DBT: variants seen among roughly 807,000 people sequenced by gnomAD.
DBT encodes dihydrolipoamide branched chain transacylase E2.
A neutral mutation model predicts 51.3 loss-of-function variants in DBT; 40 were observed. The ratio of observed to expected loss-of-function variants is 0.78; its 90% confidence interval spans 0.61 to 1.02. The LOEUF is 1.02. Among genes scored for constraint, DBT ranks in the 50% least tolerant of loss-of-function variants. The pLI, the probability that DBT is intolerant of heterozygous loss-of-function variation, is 0.00. For synonymous variants in DBT, 181 were observed against 190.4 expected (o/e 0.95, Z 0.41); for missense variants, 510 against 580.2 (o/e 0.88, Z 1.24).
At chr1:100,221,044 A>C (rs1472057967) in intron 4 of DBT, among the ~76,000 whole-genome samples, 1 of 152,208 alleles carries the variant, frequency 6.6e-6, no homozygotes, top group African/African-American at 2.4e-5. Flanking sequence ...ATATTTGCTG[A>C]AGAGAATGTA....
intron 10 of DBT, among the ~76,000 whole-genome samples, chr1:100,202,329 G>A (rs752163123): frequency 9.9e-5 from 15 of 152,132 alleles, no homozygotes; most frequent in Non-Finnish European, 1.8e-4. Context: ...TTACATAATG[G>A]TAAAGGGATC....
intron 10 of DBT, among the ~76,000 whole-genome samples, chr1:100,205,244 T>C (rs934918131): frequency 3.3e-5 from 5 of 151,992 alleles, no homozygotes; most frequent in African/African-American, 7.2e-5. Context: ...ACATGGAACT[T>C]AAACAAATTT....
At chr1:100,241,935 C>T (rs1311877393) in intron 1 of DBT, among the ~76,000 whole-genome samples, 2 of 151,738 alleles carry the variant, frequency 1.3e-5, no homozygotes, top group East Asian at 1.9e-4. Flanking sequence ...GCAGGAGAAT[C>T]GCTTGAATGC....
rs373489009 is a variant in DBT at position 100,216,110 on chromosome 1, A to C, written c.645T>G (p.Ala215=). The C allele has an allele frequency of 1.2e-6, 2 of 1,613,580 alleles. No homozygotes were observed. The highest frequency in any genetic ancestry group is 2.7e-5 in the African/African-American group (2 of 74,910). Residue 215 remains alanine, a synonymous_variant, in exon 6 of 11, where the codon GCT becomes GCG. Coordinates refer to ENST00000370132, the MANE Select transcript of DBT (RefSeq NM_001918.5). ...CAACTTTGGGTGAAGGAGGCAATATAGCTCCTGTCTGCTTTTCCAAATAGT... is the reference window on the plus strand; with the variant it reads ...CAACTTTGGGTGAAGGAGGCAATATCGCTCCTGTCTGCTTTTCCAAATAGT... ...ILNYLEKQTG[A]ILPPSPKVEI... is the part of the protein sequence containing the mutation.
At chr1:100,239,648 A>C (rs1159337704) in intron 2 of DBT, among the ~76,000 whole-genome samples, 1 of 151,954 alleles carries the variant, frequency 6.6e-6, no homozygotes, top group Non-Finnish European at 1.5e-5. Flanking sequence ...AGGCAGGAGG[A>C]TCTCTTGAAT....
At chr1:100,218,433 TAGTA>T (rs1485609311) in intron 5 of DBT, among the ~76,000 whole-genome samples, 189 bp downstream of exon 5, 8 of 152,364 alleles carry the variant, frequency 5.3e-5, no homozygotes, top group Non-Finnish European at 7.3e-5. Context: ...GCTCAATTGA[TAGTA>T]AGTAATAAGT....
At chr1:100,242,990 G>T (rs1278470873) in intron 1 of DBT, among the ~76,000 whole-genome samples, 7 of 152,064 alleles carry the variant, frequency 4.6e-5, no homozygotes, top group African/African-American at 1.2e-4. Flanking sequence ...GACAGGCCAG[G>T]CATGGTGGCT....
At chr1:100,223,281 G>A (rs1391230087) in intron 4 of DBT, among the ~76,000 whole-genome samples, 2 of 152,172 alleles carry the variant, frequency 1.3e-5, no homozygotes, top group Admixed American at 6.5e-5. Flanking sequence ...TCATTTTACT[G>A]CATTAAATAA....
At chr1:100,214,463 C>T (rs577230196) in intron 7 of DBT, among the ~76,000 whole-genome samples, 4 of 152,242 alleles carry the variant, frequency 2.6e-5, no homozygotes, top group African/African-American at 4.8e-5. Flanking sequence ...TTTAAATGTC[C>T]TACTTGGGGC....
chr1:100,218,952 G>A (rs903499377), intron 4 of DBT, among the ~76,000 whole-genome samples: 5 of 150,584 alleles, frequency 3.3e-5, no homozygotes, highest in South Asian at 2.1e-4. Context: ...GGTGTGTGCC[G>A]GTACCTGGTA....
In DBT at chr1:100,189,473, C is replaced by T. The variant is rs1281434143; in HGVS notation, c.*6782G>A. 6.6e-6 allele frequency: 1 copy of T among 151,988 alleles called. No homozygotes were observed. Among genetic ancestry groups the T allele is most frequent in the Non-Finnish European group, 1.5e-5 (1 of 68,018 alleles). 9.4% of individuals were successfully genotyped at this position (151,988 alleles called of 1,614,324 possible). A position where few individuals can be genotyped will look rare whatever the true frequency, so the allele number is the denominator to read the frequency against. On this transcript the variant is annotated 3_prime_UTR_variant, in exon 11 of 11. Coordinates refer to ENST00000370132, the MANE Select transcript of DBT (RefSeq NM_001918.5). ...TGGTCTGTCTGACTGTCTGAGATGT[C>T]ACTGAGTCATTTGATGACCTTGAAA... is the stretch of plus-strand genomic sequence containing the variant.
chr1:100,222,558 T>C (rs1277129078), intron 4 of DBT, among the ~76,000 whole-genome samples: 1 of 152,184 alleles, frequency 6.6e-6, no homozygotes, highest in Non-Finnish European at 1.5e-5. Context: ...CATAGGCAGG[T>C]TATTTAACCT....
At chr1:100,202,274 TAAAACA>T (rs1661481454) in intron 10 of DBT, among the ~76,000 whole-genome samples, 1 of 151,956 alleles carries the variant, frequency 6.6e-6, no homozygotes, top group Non-Finnish European at 1.5e-5. Flanking sequence ...TAGTCTCTGA[TAAAACA>T]GACTTTAAAC....
chr1:100,202,318 A>G (rs1383239060), intron 10 of DBT, among the ~76,000 whole-genome samples: 2 of 152,242 alleles, frequency 1.3e-5, no homozygotes, highest in Non-Finnish European at 2.9e-5. Flanking sequence ...AGACAAGGGC[A>G]TTACATAATG....
intron 7 of DBT, chr1:100,213,193 A>C: frequency 3.9e-6 from 2 of 511,808 alleles, no homozygotes; most frequent in Non-Finnish European, 6.2e-6. Context: ...GAGAATTAAG[A>C]GATAATGGGC....
At position 100,210,462 on chromosome 1, in the gene DBT, T is replaced by C; in HGVS notation, c.1017+232A>G. 4.2e-6 allele frequency: 2 copies of C among 477,496 alleles called. 1 individual carries two copies. The highest frequency in any genetic ancestry group is 5.5e-5 in the South Asian group (2 of 36,402). 29.6% of individuals were successfully genotyped at this position (477,496 alleles called of 1,614,324 possible). A position where few individuals can be genotyped will look rare whatever the true frequency, so the allele number is the denominator to read the frequency against. The stretch of plus-strand genomic sequence containing the variant: ...GCCATACAGCTATGTATTTCCATTA[T>C]TTTAAGCAGGAAAAAAAAAAGCTTA... On this transcript the variant is annotated intron_variant, in intron 8 of 10. Transcript: ENST00000370132.
chr1:100,208,083 C>T (rs777570012), intron 8 of DBT, among the ~76,000 whole-genome samples: 10 of 151,756 alleles, frequency 6.6e-5, no homozygotes, highest in South Asian at 2.1e-4. Context: ...TGCAGTGAGC[C>T]GAGATCGCAG....
chr1:100,208,192 A>G (rs1661916032), intron 8 of DBT, among the ~76,000 whole-genome samples: 1 of 152,182 alleles, frequency 6.6e-6, no homozygotes, highest in African/African-American at 2.4e-5. Flanking sequence ...AAATGTTAAA[A>G]ATATTGTATA....
rs747087454 is a variant in DBT, at chr1:100,191,341, T to C, written c.*4914A>G. The C allele has an allele frequency of 6.6e-6, 1 of 152,204 alleles. No individual in the cohort carries two copies. Among genetic ancestry groups the C allele is most frequent in the Non-Finnish European group, 1.5e-5 (1 of 68,034 alleles). 9.4% of individuals were successfully genotyped at this position (152,204 alleles called of 1,614,324 possible). ...CAAATGTTTTTTGTTGGAGAAATTA[T>C]AAAATCTTGGAATTGTAACAAACAG... On this transcript the variant is annotated 3_prime_UTR_variant, in exon 11 of 11. Transcript: ENST00000370132.
Sources: allele counts gnomAD v4.1 joint callset (sites outside exome capture counted in the v4.1 genomes callset), GRCh38; gene constraint gnomAD v4.1.1; transcripts MANE v1.5; gene names NCBI Gene and HGNC (gene_info 2026-07-23, HGNC 2026-07-21).